The following CNTNAP5 variants were observed in gnomAD, a reference collection of about 807,000 sequenced individuals.
The protein encoded by CNTNAP5 is contactin-associated protein-like 5.
A neutral mutation model predicts 150.2 loss-of-function variants in CNTNAP5; 72 were observed. The observed-to-expected ratio is 0.48, with a 90% CI of 0.40 to 0.58. The LOEUF is 0.58. CNTNAP5 is among the 20% of genes least tolerant of loss of function. The pLI is 0.00. For missense variants in CNTNAP5, 1,636 were observed against 1,626.2 expected (o/e 1.01, Z -0.10); for synonymous variants, 672 against 619.8 (o/e 1.08, Z -1.25).
At chr2:124,471,841 G>C (rs1693523452) in intron 6 of CNTNAP5, among the ~76,000 whole-genome samples, 2 of 151,832 alleles carry the variant, frequency 1.3e-5, no homozygotes, top group Non-Finnish European at 2.9e-5. Flanking sequence ...TTTGTCTTTA[G>C]TTCTGTTTAT....
At chr2:124,824,387 G>A (rs2104672843) in intron 19 of CNTNAP5, among the ~76,000 whole-genome samples, 1 of 152,218 alleles carries the variant, frequency 6.6e-6, no homozygotes, top group East Asian at 1.9e-4. Context: ...GCATGTTGTT[G>A]GCAGGTTCTG....
At chr2:124,676,677 G>T (rs1170982293) in intron 13 of CNTNAP5, among the ~76,000 whole-genome samples, 1 of 152,172 alleles carries the variant, frequency 6.6e-6, no homozygotes. Context: ...ATAGCTGTTA[G>T]GCTACTGTAC....
chr2:124,853,712 A>G lies in CNTNAP5; in HGVS notation c.3218-11594A>G, dbSNP rs72963837. Reference sequence around the variant, plus strand: ...CATGTTGAGGTTTGTTACACAGTTCAACTCATGTCACAGAGGTTTGTTGTA... The same window carrying G: ...CATGTTGAGGTTTGTTACACAGTTCGACTCATGTCACAGAGGTTTGTTGTA... On this transcript the variant is annotated intron_variant, in intron 19 of 23. Transcript: ENST00000682447. Among the ~76,000 whole-genome samples, 740 of 152,222 alleles carry G rather than the reference A, an allele frequency of 4.9e-3. 9 individuals are homozygous for G. The highest frequency in any genetic ancestry group is 0.017 in the African/African-American group (701 of 41,532).
intron 13 of CNTNAP5, among the ~76,000 whole-genome samples, chr2:124,716,557 T>C (rs1169604946): frequency 6.6e-6 from 1 of 151,896 alleles, no homozygotes; most frequent in Non-Finnish European, 1.5e-5. Context: ...TTATTGTTTT[T>C]AAACATTTTG....
intron 12 of CNTNAP5, among the ~76,000 whole-genome samples, chr2:124,641,301 T>C (rs1268818737): frequency 6.6e-6 from 1 of 151,944 alleles, no homozygotes; most frequent in Non-Finnish European, 1.5e-5. Context: ...ATAGGTCTCT[T>C]GCATGTCCAG....
At chr2:124,352,968 G>A (rs1025755721) in intron 3 of CNTNAP5, among the ~76,000 whole-genome samples, 5 of 152,128 alleles carry the variant, frequency 3.3e-5, no homozygotes, top group African/African-American at 1.2e-4. Context: ...TCAAGGTGAA[G>A]CAGAACTAGA....
At chr2:124,874,474 T>C (rs1010167074) in intron 21 of CNTNAP5, among the ~76,000 whole-genome samples, 1 of 152,072 alleles carries the variant, frequency 6.6e-6, no homozygotes, top group Non-Finnish European at 1.5e-5. Context: ...ACATAGGAAT[T>C]GAAAAAACTT....
intron 3 of CNTNAP5, among the ~76,000 whole-genome samples, chr2:124,333,325 A>G (rs1415410735): frequency 6.6e-6 from 1 of 152,122 alleles, no homozygotes; most frequent in Admixed American, 6.6e-5. Context: ...AAATAAAAGG[A>G]CAATTGGATA....
intron 19 of CNTNAP5, among the ~76,000 whole-genome samples, chr2:124,854,472 G>T (rs1677302744): frequency 6.6e-6 from 1 of 152,142 alleles, no homozygotes; most frequent in East Asian, 1.9e-4. Flanking sequence ...GCCTAATACA[G>T]AGTAGGCACA....
intron 4 of CNTNAP5, among the ~76,000 whole-genome samples, chr2:124,423,568 G>C (rs984896898): frequency 6.8e-6 from 1 of 147,062 alleles, no homozygotes; most frequent in African/African-American, 2.5e-5. Flanking sequence ...CCGTGGTCTC[G>C]ATCTCCTGAC....
At chr2:124,734,597 C>T (rs777110953) in intron 13 of CNTNAP5, among the ~76,000 whole-genome samples, 4 of 151,810 alleles carry the variant, frequency 2.6e-5, no homozygotes, top group South Asian at 2.1e-4. Flanking sequence ...TTATAGTTGA[C>T]CAAGACAAAA....
intron 1 of CNTNAP5, among the ~76,000 whole-genome samples, chr2:124,140,069 C>A (rs553712422): frequency 1.3e-4 from 20 of 152,008 alleles, no homozygotes; most frequent in Non-Finnish European, 2.4e-4. Context: ...CCGAATATTG[C>A]GCTTTTCAGA....
Position 124,242,412 on chromosome 2 carries a change from T to C in CNTNAP5, c.381+19T>C. 1 of 1,603,994 alleles carries C rather than the reference T, an allele frequency of 6.2e-7. No individual in the cohort carries two copies. The highest frequency in any genetic ancestry group is 8.5e-7 in the Non-Finnish European group (1 of 1,173,670). The stretch of plus-strand genomic sequence containing the variant: ...CATCTGGGTAGGACATCTTTTTCCT[T>C]CCAATGAATAAAACTGAGATGTGCT... On this transcript the variant is annotated intron_variant, in intron 3 of 23. Transcript: ENST00000682447.
intron 10 of CNTNAP5, among the ~76,000 whole-genome samples, chr2:124,532,482 G>A (rs1397711877): frequency 6.6e-6 from 1 of 152,136 alleles, no homozygotes; most frequent in Non-Finnish European, 1.5e-5. Context: ...TCCAGGACAG[G>A]AGAGACAGAT....
At chr2:124,836,869 G>T (rs1408858114) in intron 19 of CNTNAP5, among the ~76,000 whole-genome samples, 1 of 152,086 alleles carries the variant, frequency 6.6e-6, no homozygotes, top group African/African-American at 2.4e-5. Context: ...CCCCCAGGGA[G>T]CTCAAAGCAC....
At chr2:124,705,811 A>G (rs1558742548) in intron 13 of CNTNAP5, among the ~76,000 whole-genome samples, 1 of 152,184 alleles carries the variant, frequency 6.6e-6, no homozygotes, top group Non-Finnish European at 1.5e-5. Context: ...AGATGTTCAA[A>G]TACCTAGACA....
chr2:124,138,965 A>G (rs1006483441), intron 1 of CNTNAP5, among the ~76,000 whole-genome samples: 3 of 152,092 alleles, frequency 2.0e-5, no homozygotes, highest in Non-Finnish European at 2.9e-5. Flanking sequence ...TGGCCTAACT[A>G]TTATTAGCCC....
At chr2:124,094,887 T>C (rs1682899385) in intron 1 of CNTNAP5, among the ~76,000 whole-genome samples, 1 of 152,130 alleles carries the variant, frequency 6.6e-6, no homozygotes, top group South Asian at 2.1e-4. Context: ...TATGGAACAG[T>C]ACAGGGAAAA....
At chr2:124,677,684 C>T (rs924686537) in intron 13 of CNTNAP5, among the ~76,000 whole-genome samples, 2 of 150,974 alleles carry the variant, frequency 1.3e-5, no homozygotes, top group African/African-American at 2.4e-5. Flanking sequence ...GGTGTGTTTA[C>T]AATCCTTTAG....
Sources: gnomAD v4.1 joint callset for allele counts (sites outside exome capture counted in the v4.1 genomes callset) on GRCh38, gnomAD v4.1.1 for gene constraint, MANE v1.5 for transcripts, NCBI Gene and HGNC (gene_info 2026-07-23, HGNC 2026-07-21) for gene names.